Variants in SLFN12L observed in about 807,000 individuals in gnomAD.
SLFN12L encodes schlafen family member 12 like.
Under a neutral mutation model 34.8 loss-of-function variants are expected in SLFN12L, and 34 were observed. The observed-to-expected ratio is 0.98, with a 90% confidence interval of 0.74 to 1.30. The LOEUF (loss-of-function observed/expected upper bound fraction) is 1.30. SLFN12L is among the 50% of genes most tolerant of loss of function. The pLI, the probability that SLFN12L is intolerant of heterozygous loss-of-function variation, is 0.00. For synonymous variants in SLFN12L, 259 were observed against 247.5 expected, an observed-to-expected ratio of 1.05 and a Z score of -0.44; for missense variants, 703 against 696.2, an observed-to-expected ratio of 1.01 and a Z score of -0.11.
chr17:35,470,012 C>T lies in SLFN12L; in HGVS notation c.*4911G>A, dbSNP rs1217368494. The T allele has an allele frequency of 6.6e-6, 1 of 152,230 alleles. No individual in the cohort carries two copies. The highest frequency in any genetic ancestry group is 2.4e-5 in the African/African-American group (1 of 41,452). 9.4% of individuals were successfully genotyped at this position (152,230 alleles called of 1,614,324 possible). ...TACCACATGACCCTGCATGACAGAG[C>T]AAGTCCCCTTCTCTTGGAACTATAA... On this transcript the variant is annotated 3_prime_UTR_variant, in exon 5 of 5. Coordinates refer to ENST00000628453, the MANE Select transcript of SLFN12L (RefSeq NM_001363830.2).
chr17:35,530,427 AAGGGAAGGGAAGGGAAGAAAGAAAG>A (rs2072387724), intron 1 of SLFN12L, among the ~76,000 whole-genome samples: 8 of 17,076 alleles, frequency 4.7e-4, no homozygotes, highest in African/African-American at 1.4e-3. Flanking sequence ...GGAAGGAAGG[AAGGGAAGGGAAGGGAAGAAAGAAAG>A]AAAGAAAGAA....
chr17:35,530,269 C>T (rs1011697128), intron 1 of SLFN12L, among the ~76,000 whole-genome samples: 2 of 148,474 alleles, frequency 1.3e-5, no homozygotes, highest in African/African-American at 5.0e-5. Context: ...ATCACTTGAA[C>T]CCGGGAGGCG....
In SLFN12L at chr17:35,490,905, C is replaced by T; in HGVS notation, c.87-10710G>A. ...AGACTGAAACACAGTCCAATGACAA[C>T]AAACAACCAAGACCCCAATGGGAAT... On this transcript the variant is annotated intron_variant, in intron 2 of 4. Coordinates refer to ENST00000628453, the MANE Select transcript of SLFN12L (RefSeq NM_001363830.2). 3 of 820,510 alleles carry T rather than the reference C, an allele frequency of 3.7e-6. No homozygotes were observed. In the Admixed American group the frequency reaches 5.2e-5, roughly 14 times the overall value. 50.8% of individuals were successfully genotyped at this position (820,510 alleles called of 1,614,324 possible).
intron 2 of SLFN12L, chr17:35,498,743 C>A: frequency 1.5e-6 from 2 of 1,297,954 alleles, no homozygotes; most frequent in Non-Finnish European, 2.2e-6. Flanking sequence ...ACTACCTTAT[C>A]CACTACCTCC....
rs1338572187 is a variant in SLFN12L at position 35,530,426 on chromosome 17, GAAGGGAAGGGAAGGGAA to G, written c.-606+7130_-606+7146del. Reference sequence around the variant, plus strand: ...GGAAGGAAGGAAGGAAGGAAGGAAGGAAGGGAAGGGAAGGGAAGAAAGAAAGAAAGAAAGAAAGAAAG... The same window carrying G: ...GGAAGGAAGGAAGGAAGGAAGGAAGGGAAAGAAAGAAAGAAAGAAAGAAAG... On this transcript the variant is annotated intron_variant, in intron 1 of 4. Coordinates refer to ENST00000628453, the MANE Select transcript of SLFN12L (RefSeq NM_001363830.2). 3.2e-3 allele frequency among the ~76,000 whole-genome samples: 34 copies of G among 10,660 alleles called. 4 individuals carry two copies. Among genetic ancestry groups the G allele is most frequent in the South Asian group, 0.019 (5 of 266 alleles). The allele number at this position is 10,660 out of a possible 152,430, so 7.0% of individuals were successfully genotyped here.
rs370557100 is a variant in SLFN12L at position 35,522,304 on chromosome 17, T to G, written c.61A>C (p.Ser21Arg). The change falls in exon 2 of 5, where the codon AGT becomes CGT. Residue 21 changes from serine (S) to arginine (R), a missense_variant. Ser to Arg is a moderately radical substitution (Grantham distance 110). Coordinates refer to ENST00000628453, the MANE Select transcript of SLFN12L (RefSeq NM_001363830.2). Reference sequence around the variant, plus strand: ...CTGATGAAATTCCTCAGAAACTGACTTTCACAAATGTAGAGAATTCTGTGT... The same window carrying G: ...CTGATGAAATTCCTCAGAAACTGACGTTCACAAATGTAGAGAATTCTGTGT... ...EAHRILYICE[S>R]QFLRNFIRKE... 3.1e-5 allele frequency: 50 copies of G among 1,613,970 alleles called. No homozygotes were observed. Among genetic ancestry groups the G allele is most frequent in the Non-Finnish European group, 4.2e-5 (49 of 1,180,010 alleles).
chr17:35,472,170 C>T lies in SLFN12L; in HGVS notation c.*2753G>A, dbSNP rs1255762113. Among the ~76,000 whole-genome samples the T allele has an allele frequency of 1.3e-5, 2 of 152,152 alleles. No homozygotes were observed. Among genetic ancestry groups the T allele is most frequent in the African/African-American group, 4.8e-5 (2 of 41,420 alleles). ...TCCTGAATGGTATTGCCTAGGTTTT[C>T]TTCTAGAGTTTTTATGGTTTTGAGT... is the stretch of plus-strand genomic sequence containing the variant. On this transcript the variant is annotated 3_prime_UTR_variant, in exon 5 of 5. Coordinates refer to ENST00000628453, the MANE Select transcript of SLFN12L (RefSeq NM_001363830.2).
At chr17:35,490,260 C>T (rs1166501980) in intron 2 of SLFN12L, 5 of 1,529,652 alleles carry the variant, frequency 3.3e-6, no homozygotes, top group African/African-American at 1.4e-5. Context: ...CAGTACCTCT[C>T]GGATGGTTCA....
At chr17:35,494,301 A>G (rs142034164) in intron 2 of SLFN12L, among the ~76,000 whole-genome samples, 2,099 of 152,244 alleles carry the variant, frequency 0.014, 24 homozygotes, top group Non-Finnish European at 0.021. Context: ...CCTGTTCTCT[A>G]GCTGTGATCT....
intron 2 of SLFN12L, among the ~76,000 whole-genome samples, chr17:35,519,241 C>T (rs935407830): frequency 6.6e-6 from 1 of 152,114 alleles, no homozygotes; most frequent in African/African-American, 2.4e-5. Flanking sequence ...TTAATGCATG[C>T]ACGGCTTAAA....
At chr17:35,501,031 C>T (rs1297386091) in intron 2 of SLFN12L, among the ~76,000 whole-genome samples, 1 of 152,200 alleles carries the variant, frequency 6.6e-6, no homozygotes, top group Non-Finnish European at 1.5e-5. Flanking sequence ...TTCTACAACT[C>T]AGTGTCTGAG....
intron 2 of SLFN12L, among the ~76,000 whole-genome samples, chr17:35,489,563 G>A (rs554525411): frequency 6.6e-6 from 1 of 151,872 alleles, no homozygotes; most frequent in South Asian, 2.1e-4. Context: ...GTATATATAT[G>A]TACATATATA....
At chr17:35,519,264 G>A (rs762728900) in intron 2 of SLFN12L, among the ~76,000 whole-genome samples, 2 of 152,102 alleles carry the variant, frequency 1.3e-5, no homozygotes, top group African/African-American at 2.4e-5. Context: ...CTAGATGACA[G>A]GTTGATGGGT....
rs578088558 is a variant in SLFN12L at position 35,509,784 on chromosome 17, G to A, written c.86+12495C>T. ...GTGATCTCAGCTCACTGCAAGCTCCGCCTCCTGGGTTCATGCCATTCTCCT... is the reference window on the plus strand; with the variant it reads ...GTGATCTCAGCTCACTGCAAGCTCCACCTCCTGGGTTCATGCCATTCTCCT... On this transcript the variant is annotated intron_variant, in intron 2 of 4. Coordinates refer to ENST00000628453, the MANE Select transcript of SLFN12L (RefSeq NM_001363830.2). Among the ~76,000 whole-genome samples the A allele has an allele frequency of 1.5e-4, 22 of 151,562 alleles. No individual in the cohort carries two copies. The South Asian group carries it at 1.5e-3, about 10-fold the overall frequency.
At chr17:35,495,560 G>A (rs1014206398) in intron 2 of SLFN12L, among the ~76,000 whole-genome samples, 2 of 152,132 alleles carry the variant, frequency 1.3e-5, no homozygotes, top group Non-Finnish European at 2.9e-5. Context: ...CCAGGGCAAC[G>A]GCCTTGGACC....
intron 2 of SLFN12L, chr17:35,491,069 G>A (rs1597847313): frequency 1.2e-4 from 93 of 784,168 alleles, no homozygotes; most frequent in South Asian, 6.0e-4. Flanking sequence ...TAATCCTCTA[G>A]TATGACCATT....
intron 2 of SLFN12L, among the ~76,000 whole-genome samples, chr17:35,496,102 G>A (rs1915060760): frequency 6.6e-6 from 1 of 152,030 alleles, no homozygotes; most frequent in Non-Finnish European, 1.5e-5. Flanking sequence ...AAGCAGGAGA[G>A]CAGCCCTGGG....
Position 35,522,787 on chromosome 17 carries a change from C to G in SLFN12L, c.-423G>C. On this transcript the variant is annotated 5_prime_UTR_variant, in exon 2 of 5. The change abolishes an upstream ATG in the 5' untranslated region. Transcript: ENST00000628453. ...GGGCTGTTCTATGCTATCAGCAGAG[C>G]ATCACAGATGACTCCTGGCTTCTCC... 1 of 1,555,862 alleles carries G rather than the reference C, an allele frequency of 6.4e-7. No individual in the cohort carries two copies. The highest frequency in any genetic ancestry group is 8.8e-7 in the Non-Finnish European group (1 of 1,131,288).
intron 2 of SLFN12L, among the ~76,000 whole-genome samples, chr17:35,508,570 A>C (rs1379305565): frequency 6.6e-6 from 1 of 152,066 alleles, no homozygotes; most frequent in Non-Finnish European, 1.5e-5. Context: ...GGATGGTCTC[A>C]ATCTCCTGAC....
Sources: gnomAD v4.1 joint callset for allele counts (sites outside exome capture counted in the v4.1 genomes callset) on GRCh38, gnomAD v4.1.1 for gene constraint, MANE v1.5 for transcripts, NCBI Gene and HGNC (gene_info 2026-07-23, HGNC 2026-07-21) for gene names.